ADGB: variants seen among roughly 807,000 people sequenced by gnomAD.
The protein encoded by ADGB is calpain-7-like protein.
In ADGB, 172 loss-of-function variants were observed where a neutral mutation model predicts 210.5. That is an observed-to-expected ratio of 0.82 (90% CI 0.72 to 0.93). ADGB has a LOEUF of 0.93. ADGB is among the 40% of genes least tolerant of loss of function. The probability of loss-of-function intolerance (pLI) is 0.00; values close to 1 mark genes in which losing one functional copy is unlikely to be tolerated. For synonymous variants in ADGB, 658 were observed against 662.7 expected (o/e 0.99, Z 0.11); for missense variants, 2,025 against 1,964.8 (o/e 1.03, Z -0.58).
At chr6:146,784,191 C>T (rs1225256458) in intron 30 of ADGB, among the ~76,000 whole-genome samples, 1 of 152,092 alleles carries the variant, frequency 6.6e-6, no homozygotes, top group African/African-American at 2.4e-5. Flanking sequence ...ATTCTCACAC[C>T]TCATCTCCTG....
intron 2 of ADGB, among the ~76,000 whole-genome samples, chr6:146,636,357 T>A (rs1775420011): frequency 6.6e-6 from 1 of 152,036 alleles, no homozygotes; most frequent in African/African-American, 2.4e-5. Context: ...TATCACAAAT[T>A]GCATGATTCA....
chr6:146,606,159 A>G (rs1780626525), intron 1 of ADGB, among the ~76,000 whole-genome samples: 1 of 152,056 alleles, frequency 6.6e-6, no homozygotes, highest in Admixed American at 6.5e-5. Context: ...TTTGATTGGT[A>G]TTTCTCTAAT....
At chr6:146,731,412 C>A (rs1371216867) in intron 20 of ADGB, among the ~76,000 whole-genome samples, 5 of 151,350 alleles carry the variant, frequency 3.3e-5, no homozygotes, top group Non-Finnish European at 7.4e-5. Flanking sequence ...AGGCCGCAAT[C>A]CGTATTCAAC....
At chr6:146,637,014 G>A (rs1037102204) in intron 2 of ADGB, among the ~76,000 whole-genome samples, 2 of 151,812 alleles carry the variant, frequency 1.3e-5, no homozygotes, top group African/African-American at 4.8e-5. Context: ...AGGATGTGAC[G>A]GGTGAATCAA....
rs548772737 is a variant in ADGB at position 146,814,899 on chromosome 6, T to G, written c.4819-133T>G. On this transcript the variant is annotated intron_variant, in intron 35 of 35. Coordinates refer to ENST00000397944, the MANE Select transcript of ADGB (RefSeq NM_024694.4). ...ATAAGCTGTTGAGACCATACACTAA[T>G]TTTCATCTTCAATCATTTTGCCTAT... is the stretch of plus-strand genomic sequence containing the variant. 3 of 820,910 alleles carry G rather than the reference T, an allele frequency of 3.7e-6. No homozygotes were observed. In the South Asian group the frequency reaches 6.0e-5, roughly 17 times the overall value. 50.9% of individuals were successfully genotyped at this position (820,910 alleles called of 1,614,324 possible).
At chr6:146,680,051 G>A (rs1165546797) in intron 9 of ADGB, among the ~76,000 whole-genome samples, 6 of 152,070 alleles carry the variant, frequency 3.9e-5, no homozygotes, top group Non-Finnish European at 8.8e-5. Context: ...ATAGTAAGTT[G>A]GATATTTTCT....
chr6:146,651,828 C>T (rs909198623), intron 3 of ADGB, among the ~76,000 whole-genome samples: 1 of 152,064 alleles, frequency 6.6e-6, no homozygotes, highest in African/African-American at 2.4e-5. Flanking sequence ...CTAAGTTTTA[C>T]AGTATATTTT....
At chr6:146,738,481 G>A (rs1423615765) in intron 23 of ADGB, among the ~76,000 whole-genome samples, 3 of 115,610 alleles carry the variant, frequency 2.6e-5, no homozygotes, top group African/African-American at 3.4e-5. Flanking sequence ...ATGGAGTCTC[G>A]CTGTGTCACC....
In ADGB at chr6:146,733,799, T is replaced by C. The variant is rs958317429; in HGVS notation, c.2657-94T>C. 133 of 1,343,270 alleles carry C rather than the reference T, an allele frequency of 9.9e-5. No individual in the cohort carries two copies. In the African/African-American group the frequency reaches 1.7e-3, roughly 17 times the overall value. 83.2% of individuals were successfully genotyped at this position (1,343,270 alleles called of 1,614,324 possible). A position where few individuals can be genotyped will look rare whatever the true frequency, so the allele number is the denominator to read the frequency against. On this transcript the variant is annotated intron_variant, in intron 21 of 35. Coordinates refer to ENST00000397944, the MANE Select transcript of ADGB (RefSeq NM_024694.4). ...TGCTAACTCTTGCAATGTAGAATTT[T>C]ATATGTTGGAGGGCTTTGGCAGCTG...
rs146146317 is a variant in ADGB, at chr6:146,658,445, G to A, written c.612+1465G>A. Among the ~76,000 whole-genome samples the A allele has an allele frequency of 4.6e-5, 7 of 152,208 alleles. No homozygotes were observed. In the East Asian group the frequency reaches 7.7e-4, roughly 17 times the overall value. ...TAGAAAGAAGGTACGCAGAGGAAAA[G>A]CGAGGAGATAAAATGCCCTGGTTCC... On this transcript the variant is annotated intron_variant, in intron 5 of 35. Coordinates refer to ENST00000397944, the MANE Select transcript of ADGB (RefSeq NM_024694.4).
intron 5 of ADGB, among the ~76,000 whole-genome samples, chr6:146,661,525 T>C (rs1177717250): frequency 2.6e-5 from 4 of 152,122 alleles, no homozygotes; most frequent in Admixed American, 6.6e-5. Context: ...ACCACTGATA[T>C]AGTTTTTTTA....
chr6:146,728,698 C>T lies in ADGB; in HGVS notation c.2477C>T (p.Pro826Leu). The T allele has an allele frequency of 6.4e-7, 1 of 1,551,282 alleles. No individual in the cohort carries two copies. Among genetic ancestry groups the T allele is most frequent in the Non-Finnish European group, 8.7e-7 (1 of 1,146,708 alleles). The stretch of plus-strand genomic sequence containing the variant: ...AAGGATCTGCAAACAGCTCACTACC[C>T]TGTCCCCTTCCATGATAAAGAACTA... ...ALKDLQTAHY[P>L]VPFHDKELTA... is the part of the protein sequence containing the mutation. Residue 826 changes from proline (P) to leucine (L), a missense_variant, in exon 20 of 36, where the codon CCT becomes CTT. Coordinates refer to ENST00000397944, the MANE Select transcript of ADGB (RefSeq NM_024694.4).
intron 7 of ADGB, among the ~76,000 whole-genome samples, chr6:146,669,185 T>C (rs1439308521): frequency 1.3e-5 from 2 of 152,024 alleles, no homozygotes; most frequent in African/African-American, 4.8e-5. Context: ...AGAGCTGTCA[T>C]GGGATCAAAT....
chr6:146,683,178 A>T (rs1776180470), intron 9 of ADGB, among the ~76,000 whole-genome samples: 1 of 152,120 alleles, frequency 6.6e-6, no homozygotes, highest in Admixed American at 6.6e-5. Flanking sequence ...CCCAGCTTCC[A>T]GAACTGTGGG....
chr6:146,714,833 A>G (rs187169270), intron 13 of ADGB, among the ~76,000 whole-genome samples: 10 of 152,302 alleles, frequency 6.6e-5, no homozygotes, highest in Admixed American at 6.5e-4. Flanking sequence ...ATTACCTGTA[A>G]TTAGCCTGTA....
chr6:146,751,288 T>C (rs1777316475), intron 26 of ADGB, among the ~76,000 whole-genome samples: 2 of 152,112 alleles, frequency 1.3e-5, no homozygotes, highest in Non-Finnish European at 2.9e-5. Flanking sequence ...GCTTCGTCTA[T>C]GTGCCTGCAA....
intron 10 of ADGB, among the ~76,000 whole-genome samples, chr6:146,687,769 A>T (rs1389561255): frequency 6.6e-6 from 1 of 152,054 alleles, no homozygotes; most frequent in African/African-American, 2.4e-5. Flanking sequence ...GTTTCTTTTT[A>T]GAAGAAATAA....
intron 5 of ADGB, among the ~76,000 whole-genome samples, chr6:146,662,974 A>G (rs1278079901): frequency 6.8e-6 from 1 of 146,406 alleles, no homozygotes; most frequent in Non-Finnish European, 1.5e-5. Flanking sequence ...TATATATGTT[A>G]TAATGTATAT....
At chr6:146,704,600 A>G (rs1776541072) in intron 13 of ADGB, among the ~76,000 whole-genome samples, 1 of 151,986 alleles carries the variant, frequency 6.6e-6, no homozygotes, top group African/African-American at 2.4e-5. Flanking sequence ...TTTTTCGACC[A>G]TAATAGTTTG....
Sources: gnomAD v4.1 joint callset for allele counts (sites outside exome capture counted in the v4.1 genomes callset) on GRCh38, gnomAD v4.1.1 for gene constraint, MANE v1.5 for transcripts, NCBI Gene and HGNC (gene_info 2026-07-23, HGNC 2026-07-21) for gene names.